The following IGSF21 variants were observed in gnomAD, a reference collection of about 807,000 sequenced individuals.
IGSF21 encodes the protein immunoglobulin superfamily member 21.
Under a neutral mutation model 46.8 loss-of-function variants are expected in IGSF21, and 28 were observed. The ratio of observed to expected loss-of-function variants is 0.60; its 90% CI spans 0.44 to 0.82. The LOEUF is 0.82. Among genes scored for constraint, IGSF21 ranks in the 40% least tolerant of loss-of-function variants. The pLI, the probability that IGSF21 is intolerant of heterozygous loss-of-function variation, is 0.00. For missense variants in IGSF21, 624 were observed against 665.5 expected (o/e 0.94, Z 0.69); for synonymous variants, 284 against 273.6 (o/e 1.04, Z -0.38).
intron 3 of IGSF21, among the ~76,000 whole-genome samples, chr1:18,300,053 C>A (rs187941121): frequency 2.0e-5 from 3 of 152,236 alleles, no homozygotes; most frequent in African/African-American, 4.8e-5. Flanking sequence ...AGTGAGACTT[C>A]TTCTCTAGAA....
chr1:18,219,516 T>C (rs1384113278), intron 1 of IGSF21, among the ~76,000 whole-genome samples: 1 of 151,406 alleles, frequency 6.6e-6, no homozygotes, highest in African/African-American at 2.4e-5. Context: ...AGGAAACAAA[T>C]GATGGTGGCC....
At chr1:18,288,116 TA>T (rs1366671297) in intron 2 of IGSF21, among the ~76,000 whole-genome samples, 1 of 152,162 alleles carries the variant, frequency 6.6e-6, no homozygotes, top group Non-Finnish European at 1.5e-5. Flanking sequence ...AAACTGAGAC[TA>T]GGGGAGGTGG....
chr1:18,226,801 C>A (rs913802274), intron 1 of IGSF21, among the ~76,000 whole-genome samples: 1 of 152,210 alleles, frequency 6.6e-6, no homozygotes, highest in South Asian at 2.1e-4. Context: ...TTAAGACTAT[C>A]GGACTGGATT....
intron 1 of IGSF21, among the ~76,000 whole-genome samples, chr1:18,186,736 AG>A (rs1186594097): frequency 3.3e-5 from 5 of 152,200 alleles, no homozygotes; most frequent in African/African-American, 1.2e-4. Context: ...TATTTTGCAG[AG>A]GGGGTTCAGT....
At chr1:18,142,400 G>A (rs1037270006) in intron 1 of IGSF21, among the ~76,000 whole-genome samples, 3 of 152,164 alleles carry the variant, frequency 2.0e-5, no homozygotes, top group South Asian at 2.1e-4. Context: ...GGCTTGTTCC[G>A]CCTTTGCCAC....
intron 4 of IGSF21, among the ~76,000 whole-genome samples, chr1:18,343,570 G>A (rs2124614238): frequency 6.6e-6 from 1 of 152,298 alleles, no homozygotes; most frequent in Non-Finnish European, 1.5e-5. Context: ...AGTTTGTATA[G>A]TTTTAGCTCT....
intron 5 of IGSF21, among the ~76,000 whole-genome samples, chr1:18,363,120 C>A (rs576665063): frequency 6.6e-6 from 1 of 152,298 alleles, no homozygotes; most frequent in Non-Finnish European, 1.5e-5. Flanking sequence ...TCTGTAGAAC[C>A]CGTAGGCTTC....
intron 4 of IGSF21, among the ~76,000 whole-genome samples, chr1:18,346,630 G>T (rs965704464): frequency 6.6e-6 from 1 of 152,146 alleles, no homozygotes. Context: ...CTCTGAGAAG[G>T]TTCCAATGCA....
intron 1 of IGSF21, among the ~76,000 whole-genome samples, chr1:18,130,712 C>T (rs944360940): frequency 6.6e-6 from 1 of 152,210 alleles, no homozygotes; most frequent in African/African-American, 2.4e-5. Flanking sequence ...TTACACAGCA[C>T]ACCTCCTTGT....
intron 4 of IGSF21, among the ~76,000 whole-genome samples, chr1:18,347,239 C>A (rs1311630959): frequency 6.6e-6 from 1 of 152,132 alleles, no homozygotes; most frequent in Non-Finnish European, 1.5e-5. Flanking sequence ...AGGAACAGGC[C>A]CAGCTCATTC....
chr1:18,327,232 GA>G (rs750537819), intron 3 of IGSF21, among the ~76,000 whole-genome samples: 1 of 152,224 alleles, frequency 6.6e-6, no homozygotes, highest in Non-Finnish European at 1.5e-5. Context: ...GGAGGGGCAT[GA>G]GGGGCAACAT....
At chr1:18,306,063 C>A (rs1321216328) in intron 3 of IGSF21, among the ~76,000 whole-genome samples, 5 of 152,174 alleles carry the variant, frequency 3.3e-5, no homozygotes, top group Non-Finnish European at 7.4e-5. Context: ...CCAGAGTGAG[C>A]TTTCTAAAGT....
chr1:18,128,628 A>G (rs2086293355), intron 1 of IGSF21, among the ~76,000 whole-genome samples: 1 of 152,138 alleles, frequency 6.6e-6, no homozygotes, highest in South Asian at 2.1e-4. Context: ...ACCTGTTCTT[A>G]TTTAATTCTT....
chr1:18,298,257 G>C (rs925507681), intron 3 of IGSF21, among the ~76,000 whole-genome samples: 1 of 152,232 alleles, frequency 6.6e-6, no homozygotes, highest in Non-Finnish European at 1.5e-5. Flanking sequence ...CCTGGGTAGA[G>C]AGGGTGGGTT....
chr1:18,342,547 A>G (rs984086620), intron 4 of IGSF21, among the ~76,000 whole-genome samples: 3 of 152,166 alleles, frequency 2.0e-5, no homozygotes, highest in African/African-American at 7.2e-5. Flanking sequence ...TCGTCCTCCA[A>G]AGAAACCCTG....
At chr1:18,273,721 T>G (rs114018892) in intron 2 of IGSF21, among the ~76,000 whole-genome samples, 1,582 of 151,946 alleles carry the variant, frequency 0.01, 32 homozygotes, top group African/African-American at 0.036. Flanking sequence ...TTGAACAGTT[T>G]CCTTATAATA....
intron 1 of IGSF21, among the ~76,000 whole-genome samples, chr1:18,155,153 C>T (rs554543870): frequency 2.0e-5 from 3 of 152,062 alleles, no homozygotes; most frequent in African/African-American, 7.2e-5. Context: ...TGGCACTGTG[C>T]ATGCACTTGG....
chr1:18,231,923 G>A (rs1279002358), intron 2 of IGSF21, among the ~76,000 whole-genome samples: 4 of 4,264 alleles, frequency 9.4e-4, no homozygotes, highest in Non-Finnish European at 6.5e-3. Flanking sequence ...TCATTAGATC[G>A]TGTGTGTGTG....
At position 18,376,402 on chromosome 1, in the gene IGSF21, C is replaced by A. The variant is rs775669900; in HGVS notation, c.1101+7C>A. ...TCTGGTCCATGGGTTTCAGGTCAGC[C>A]TCTCTCTGAGCATCTGGGAGGGTGG... On this transcript the variant is annotated splice_region_variant and intron_variant, in intron 7 of 9. Coordinates refer to ENST00000251296, the MANE Select transcript of IGSF21 (RefSeq NM_032880.5). 2.5e-6 allele frequency: 4 copies of A among 1,607,918 alleles called. No homozygotes were observed. The highest frequency in any genetic ancestry group is 3.3e-5 in the Admixed American group (2 of 60,026).
Sources: gnomAD v4.1 joint callset for allele counts (sites outside exome capture counted in the v4.1 genomes callset) on GRCh38, gnomAD v4.1.1 for gene constraint, MANE v1.5 for transcripts, NCBI Gene and HGNC (gene_info 2026-07-23, HGNC 2026-07-21) for gene names.